Variants in SVIL observed in about 807,000 individuals in gnomAD.
SVIL encodes the protein supervillin.
A neutral mutation model predicts 240.4 loss-of-function variants in SVIL; 101 were observed. The observed-to-expected ratio is 0.42, with a 90% CI of 0.36 to 0.50. The LOEUF is 0.50. Ranked by LOEUF, SVIL falls within the 20% of genes least tolerant of loss-of-function variation. SVIL has a pLI of 0.01. For missense variants in SVIL, 2,512 were observed against 2,818.7 expected (o/e 0.89, Z 2.46); for synonymous variants, 999 against 1,100.0 (o/e 0.91, Z 1.82).
chr10:29,520,379 A>G (rs1318844590), intron 16 of SVIL, among the ~76,000 whole-genome samples: 2 of 152,218 alleles, frequency 1.3e-5, no homozygotes, highest in Non-Finnish European at 2.9e-5. Flanking sequence ...TTCGTGGAAG[A>G]GAACTTCAAG....
intron 1 of SVIL, among the ~76,000 whole-genome samples, chr10:29,714,549 A>G (rs963435367): frequency 1.3e-5 from 2 of 152,252 alleles, no homozygotes; most frequent in African/African-American, 4.8e-5. Flanking sequence ...TTTGTATTTT[A>G]TGAATCATCA....
intron 1 of SVIL, among the ~76,000 whole-genome samples, chr10:29,702,414 G>A (rs1962589748): frequency 1.3e-5 from 2 of 152,082 alleles, no homozygotes; most frequent in Non-Finnish European, 2.9e-5. Flanking sequence ...CCTCCCCGCT[G>A]GGTTCTGCGT....
intron 2 of SVIL, among the ~76,000 whole-genome samples, chr10:29,677,427 GA>G (rs1227918983): frequency 1.8e-4 from 28 of 152,196 alleles, no homozygotes; most frequent in African/African-American, 6.7e-4. Flanking sequence ...ACCTGGGTCA[GA>G]ATGACAGGGT....
chr10:29,496,229 T>C (rs957568537), intron 18 of SVIL, among the ~76,000 whole-genome samples: 3 of 152,262 alleles, frequency 2.0e-5, no homozygotes, highest in African/African-American at 7.2e-5. Context: ...ATTCTACAAG[T>C]ACGTCTCATT....
chr10:29,612,768 T>G (rs142223037), intron 1 of SVIL, among the ~76,000 whole-genome samples: 3 of 152,332 alleles, frequency 2.0e-5, no homozygotes, highest in African/African-American at 7.2e-5. Context: ...AAATGTGCTT[T>G]TCCTAGTCAC....
intron 3 of SVIL, among the ~76,000 whole-genome samples, chr10:29,560,679 G>A (rs1450602573): frequency 6.6e-6 from 1 of 151,824 alleles, no homozygotes; most frequent in Non-Finnish European, 1.5e-5. Context: ...ACATAATATT[G>A]CTAAGAGCTG....
chr10:29,650,697 G>C (rs1248305742), intron 3 of SVIL, among the ~76,000 whole-genome samples: 1 of 152,074 alleles, frequency 6.6e-6, no homozygotes, highest in Non-Finnish European at 1.5e-5. Context: ...TACCAGTAAT[G>C]TCAACACATT....
chr10:29,557,185 T>C (rs981531991), intron 3 of SVIL, among the ~76,000 whole-genome samples: 1 of 151,936 alleles, frequency 6.6e-6, no homozygotes, highest in African/African-American at 2.4e-5. Context: ...AGCCTCAACT[T>C]CCCAGACTCA....
At chr10:29,511,939 T>A (rs1050604937) in intron 17 of SVIL, among the ~76,000 whole-genome samples, 17 of 152,250 alleles carry the variant, frequency 1.1e-4, no homozygotes, top group African/African-American at 4.1e-4. Flanking sequence ...CTGGGGATCA[T>A]CGGGTTGAAA....
intron 2 of SVIL, among the ~76,000 whole-genome samples, chr10:29,672,951 T>C (rs763216818): frequency 4.6e-5 from 7 of 152,312 alleles, no homozygotes; most frequent in Non-Finnish European, 8.8e-5. Context: ...TCTCACTCTG[T>C]TGCCCAGGCT....
At chr10:29,627,253 C>T (rs1180199879) in intron 1 of SVIL, among the ~76,000 whole-genome samples, 1 of 151,982 alleles carries the variant, frequency 6.6e-6, no homozygotes, top group African/African-American at 2.4e-5. Context: ...CAAGGTGTTG[C>T]CTTTCCAAGG....
At chr10:29,726,623 T>C (rs1184447437) in intron 1 of SVIL, among the ~76,000 whole-genome samples, 1 of 152,074 alleles carries the variant, frequency 6.6e-6, no homozygotes, top group Non-Finnish European at 1.5e-5. Context: ...GGCAGGTGCC[T>C]GTAATCCCAG....
chr10:29,614,752 T>C (rs1027152895), intron 1 of SVIL, among the ~76,000 whole-genome samples: 3 of 152,148 alleles, frequency 2.0e-5, no homozygotes, highest in Non-Finnish European at 2.9e-5. Context: ...ATGGCACATG[T>C]ATACCTATGT....
chr10:29,699,805 A>G (rs972919146), intron 1 of SVIL, among the ~76,000 whole-genome samples: 1 of 152,248 alleles, frequency 6.6e-6, no homozygotes, highest in Admixed American at 6.5e-5. Flanking sequence ...GCCTCCGGGC[A>G]CCTGAAGGCA....
chr10:29,559,978 G>A (rs187083589), intron 3 of SVIL, among the ~76,000 whole-genome samples: 5 of 152,266 alleles, frequency 3.3e-5, no homozygotes, highest in African/African-American at 1.2e-4. Context: ...AGAAACAGAA[G>A]GTTTCTGGTT....
intron 22 of SVIL, among the ~76,000 whole-genome samples, chr10:29,490,615 TA>T (rs201172964): frequency 0.096 from 14,328 of 149,726 alleles, 867 homozygotes; most frequent in Non-Finnish European, 0.13. Context: ...CAAACCCCAG[TA>T]TAATCTGAAT....
At chr10:29,628,529 C>A (rs894112024) in intron 1 of SVIL, among the ~76,000 whole-genome samples, 3 of 152,268 alleles carry the variant, frequency 2.0e-5, no homozygotes, top group Non-Finnish European at 4.4e-5. Context: ...AATTGAAAGT[C>A]CAGAAAGAAA....
chr10:29,609,394 G>A (rs1019477290), intron 1 of SVIL, among the ~76,000 whole-genome samples: 2 of 152,192 alleles, frequency 1.3e-5, no homozygotes, highest in Non-Finnish European at 2.9e-5. Context: ...CACATGATGG[G>A]AAACAGCAGT....
chr10:29,612,828 T>C (rs1471516628), intron 1 of SVIL, among the ~76,000 whole-genome samples: 1 of 152,162 alleles, frequency 6.6e-6, no homozygotes, highest in Admixed American at 6.5e-5. Context: ...CAAAGCCCCA[T>C]GCTGGTGGGT....
Sources: gnomAD v4.1 joint callset for allele counts (sites outside exome capture counted in the v4.1 genomes callset) on GRCh38, gnomAD v4.1.1 for gene constraint, MANE v1.5 for transcripts, NCBI Gene and HGNC (gene_info 2026-07-23, HGNC 2026-07-21) for gene names.